The following SPON1 variants were observed in gnomAD, a reference collection of about 807,000 sequenced individuals.
The protein encoded by SPON1 is spondin-1.
SPON1 carries 52 observed loss-of-function variants against 111.7 expected under a neutral mutation model. That is an observed-to-expected ratio of 0.47 (90% CI 0.37 to 0.59). The LOEUF (loss-of-function observed/expected upper bound fraction) is 0.59, where lower values mean the gene tolerates loss of function less well. Ranked by LOEUF, SPON1 falls within the 20% of genes least tolerant of loss-of-function variation. The pLI, the probability that SPON1 is intolerant of heterozygous loss-of-function variation, is 0.00. For missense variants in SPON1, 957 were observed against 1,068.5 expected (o/e 0.90, Z 1.46); for synonymous variants, 410 against 395.8 (o/e 1.04, Z -0.43).
At chr11:14,226,962 C>T (rs1274297083) in intron 6 of SPON1, among the ~76,000 whole-genome samples, 1 of 152,168 alleles carries the variant, frequency 6.6e-6, no homozygotes, top group Non-Finnish European at 1.5e-5. Flanking sequence ...AGTCAAATCT[C>T]CCTGTGCCTC....
At chr11:14,211,393 G>T (rs1848575808) in intron 6 of SPON1, among the ~76,000 whole-genome samples, 1 of 152,092 alleles carries the variant, frequency 6.6e-6, no homozygotes, top group South Asian at 2.1e-4. Flanking sequence ...GCTACAAAGA[G>T]AATAAAATAC....
At chr11:14,041,728 G>T (rs1479536117) in intron 3 of SPON1, 74 bp downstream of exon 3, 1 of 1,435,950 alleles carries the variant, frequency 7.0e-7, no homozygotes, top group African/African-American at 1.4e-5. Flanking sequence ...AAAAAAAAAA[G>T]TTCTTTACTG....
Position 14,127,433 on chromosome 11 carries a change from C to T in SPON1, c.677-7987C>T, listed in dbSNP as rs555823626. Among the ~76,000 whole-genome samples, 14 of 152,228 alleles carry T rather than the reference C, an allele frequency of 9.2e-5. No individual in the cohort carries two copies. In the South Asian group the frequency reaches 2.9e-3, roughly 32 times the overall value. ...CCCCCTACCACTGCCCTAAGTCAGA[C>T]ACTGCATGATTCATGAAGGGAATGT... On this transcript the variant is annotated intron_variant, in intron 5 of 15. Transcript: ENST00000576479.
chr11:13,986,315 C>T (rs1848182196), intron 2 of SPON1, among the ~76,000 whole-genome samples: 1 of 152,176 alleles, frequency 6.6e-6, no homozygotes, highest in African/African-American at 2.4e-5. Context: ...TTAACACCTT[C>T]ACTTCAAATA....
intron 2 of SPON1, among the ~76,000 whole-genome samples, chr11:14,014,126 C>T (rs1848426743): frequency 1.3e-5 from 2 of 152,142 alleles, no homozygotes; most frequent in African/African-American, 2.4e-5. Flanking sequence ...CCTTGGCTTA[C>T]CTGAGGCTGC....
intron 2 of SPON1, among the ~76,000 whole-genome samples, chr11:14,025,268 CT>C (rs1848509151): frequency 6.6e-6 from 1 of 152,202 alleles, no homozygotes; most frequent in Non-Finnish European, 1.5e-5. Context: ...CCTAGTTTGC[CT>C]TCATGAATCG....
chr11:14,250,157 G>A (rs1212759901), intron 7 of SPON1, among the ~76,000 whole-genome samples: 1 of 152,108 alleles, frequency 6.6e-6, no homozygotes, highest in African/African-American at 2.4e-5. Context: ...ACACTCAATG[G>A]AGACATTTTT....
chr11:14,144,633 C>CTAATAATAATAATAATAATAA (rs782316295), intron 6 of SPON1, among the ~76,000 whole-genome samples: 104 of 123,978 alleles, frequency 8.4e-4, no homozygotes, highest in African/African-American at 3.1e-3. Context: ...GACTCCATCT[C>CTAATAATAATAATAATAATAA]CAATAATAAT....
chr11:14,019,539 G>C (rs1389499390), intron 2 of SPON1, among the ~76,000 whole-genome samples: 2 of 152,122 alleles, frequency 1.3e-5, no homozygotes, highest in East Asian at 3.9e-4. Context: ...ACACCATCAA[G>C]GTAGAGTATT....
chr11:14,104,503 C>T (rs568309081), intron 5 of SPON1, among the ~76,000 whole-genome samples: 2 of 151,998 alleles, frequency 1.3e-5, no homozygotes, highest in South Asian at 2.1e-4. Context: ...ATCTTTGATT[C>T]TCTTTTATGG....
chr11:13,976,838 T>C (rs1211383974), intron 1 of SPON1, among the ~76,000 whole-genome samples: 1 of 152,222 alleles, frequency 6.6e-6, no homozygotes, highest in Non-Finnish European at 1.5e-5. Flanking sequence ...TTGTTCTGCC[T>C]CCATGTTGCA....
At chr11:13,993,801 A>G (rs1848250315) in intron 2 of SPON1, among the ~76,000 whole-genome samples, 1 of 152,248 alleles carries the variant, frequency 6.6e-6, no homozygotes, top group South Asian at 2.1e-4. Context: ...AGGCACATGA[A>G]TATTTAGGGA....
intron 6 of SPON1, among the ~76,000 whole-genome samples, chr11:14,146,163 T>A (rs1487956569): frequency 2.0e-5 from 3 of 151,310 alleles, no homozygotes; most frequent in Admixed American, 2.0e-4. Flanking sequence ...TTTTTTTTTT[T>A]TTTTGAGACA....
intron 1 of SPON1, among the ~76,000 whole-genome samples, chr11:13,966,704 G>A (rs1848020311): frequency 6.6e-6 from 1 of 152,192 alleles, no homozygotes; most frequent in African/African-American, 2.4e-5. Flanking sequence ...TGACCACAGG[G>A]GTGGACACCT....
At chr11:14,054,148 G>T (rs1554918905) in intron 3 of SPON1, among the ~76,000 whole-genome samples, 1 of 152,202 alleles carries the variant, frequency 6.6e-6, no homozygotes, top group Non-Finnish European at 1.5e-5. Context: ...GCTGATTTCA[G>T]CTACATTTTT....
At chr11:14,058,905 T>G (rs1336641519) in intron 3 of SPON1, among the ~76,000 whole-genome samples, 3 of 152,246 alleles carry the variant, frequency 2.0e-5, no homozygotes, top group Non-Finnish European at 4.4e-5. Flanking sequence ...TCTAACTGTG[T>G]AGCCCAAGCT....
At chr11:13,999,700 C>T (rs544145943) in intron 2 of SPON1, among the ~76,000 whole-genome samples, 1 of 152,278 alleles carries the variant, frequency 6.6e-6, no homozygotes, top group South Asian at 2.1e-4. Context: ...AGCCACCGCG[C>T]CTGGCCTGCT....
rs1370917955 is a variant in SPON1 at position 14,161,105 on chromosome 11, ATATATATC to A, written c.825+25553_825+25560del. On this transcript the variant is annotated intron_variant, in intron 6 of 15. Transcript: ENST00000576479. The stretch of plus-strand genomic sequence containing the variant: ...ATATTTATATATATCTATATATTTT[ATATATATC>A]TATATATCTATATATTTTATATATA... Among the ~76,000 whole-genome samples the A allele has an allele frequency of 4.8e-3, 403 of 83,638 alleles. 15 individuals carry two copies. Among genetic ancestry groups the A allele is most frequent in the African/African-American group, 0.02 (384 of 19,412 alleles). 54.9% of individuals were successfully genotyped at this position (83,638 alleles called of 152,430 possible).
chr11:13,997,053 T>C (rs1175770935), intron 2 of SPON1, among the ~76,000 whole-genome samples: 1 of 152,162 alleles, frequency 6.6e-6, no homozygotes, highest in Non-Finnish European at 1.5e-5. Context: ...TATGCATCTG[T>C]ATTTGCTTAT....
Sources: gnomAD v4.1 joint callset for allele counts (sites outside exome capture counted in the v4.1 genomes callset) on GRCh38, gnomAD v4.1.1 for gene constraint, MANE v1.5 for transcripts, NCBI Gene and HGNC (gene_info 2026-07-23, HGNC 2026-07-21) for gene names.